The following EDDM13 variants were observed in gnomAD, a reference collection of about 807,000 sequenced individuals.
EDDM13 encodes the protein epididymal protein 13.
Under a neutral mutation model 17.8 loss-of-function variants are expected in EDDM13, and 24 were observed. The observed-to-expected ratio is 1.35, with a 90% CI of 0.98 to 1.90. The LOEUF (loss-of-function observed/expected upper bound fraction) is 1.90. EDDM13 is among the 40% of genes most tolerant of loss of function. EDDM13 has a pLI of 0.00. For synonymous variants in EDDM13, 31 were observed against 37.5 expected, an observed-to-expected ratio of 0.83 and a Z score of 0.63; for missense variants, 97 against 100.8, an observed-to-expected ratio of 0.96 and a Z score of 0.16.
At chr19:56,300,927 G>C (rs963519432) in intron 12 of EDDM13, among the ~76,000 whole-genome samples, 1 of 152,144 alleles carries the variant, frequency 6.6e-6, no homozygotes, top group South Asian at 2.1e-4. Flanking sequence ...CGACACGGTC[G>C]GATCTGGTGC....
At chr19:56,285,273 G>C (rs903577496) in intron 6 of EDDM13, among the ~76,000 whole-genome samples, 1 of 152,154 alleles carries the variant, frequency 6.6e-6, no homozygotes, top group Non-Finnish European at 1.5e-5. Flanking sequence ...TATGCACATG[G>C]GAAAATATCG....
At chr19:56,299,558 C>T (rs558307465) in intron 12 of EDDM13, among the ~76,000 whole-genome samples, 1 of 152,182 alleles carries the variant, frequency 6.6e-6, no homozygotes, top group East Asian at 1.9e-4. Context: ...CACAGTTGTC[C>T]CTCAGTATCC....
At chr19:56,289,399 G>T (rs554582384) in intron 8 of EDDM13, among the ~76,000 whole-genome samples, 1 of 152,248 alleles carries the variant, frequency 6.6e-6, no homozygotes, top group Admixed American at 6.5e-5. Flanking sequence ...AGAGGGGAGG[G>T]GAAATTTCAA....
chr19:56,300,530 G>C (rs1371411953), intron 12 of EDDM13, among the ~76,000 whole-genome samples: 1 of 152,206 alleles, frequency 6.6e-6, no homozygotes, highest in Non-Finnish European at 1.5e-5. Flanking sequence ...AAGATGTTTC[G>C]AGGTCCTTGA....
intron 14 of EDDM13, among the ~76,000 whole-genome samples, chr19:56,308,066 G>A (rs986878567): frequency 2.0e-5 from 3 of 152,116 alleles, no homozygotes; most frequent in African/African-American, 7.2e-5. Context: ...ACAGGGTCTC[G>A]CTCTGTCGCC....
chr19:56,307,725 T>C (rs1160902827), intron 14 of EDDM13, among the ~76,000 whole-genome samples: 1 of 152,238 alleles, frequency 6.6e-6, no homozygotes, highest in Non-Finnish European at 1.5e-5. Context: ...CCAAGGTCTG[T>C]ATGTAAAACA....
At chr19:56,303,281 C>G (rs1262733114) in intron 13 of EDDM13, among the ~76,000 whole-genome samples, 1 of 151,968 alleles carries the variant, frequency 6.6e-6, no homozygotes, top group African/African-American at 2.4e-5. Flanking sequence ...AGTTCAAGAC[C>G]AGCCTGGTCA....
At chr19:56,302,461 C>T (rs1204714450) in intron 13 of EDDM13, among the ~76,000 whole-genome samples, 1 of 144,636 alleles carries the variant, frequency 6.9e-6, no homozygotes, top group Admixed American at 6.9e-5. Flanking sequence ...TCTCCGTCTG[C>T]TTCCTCCCTC....
chr19:56,286,455 A>G (rs1172491052), intron 6 of EDDM13: 1 of 150,308 alleles, frequency 6.7e-6, no homozygotes, highest in Non-Finnish European at 1.5e-5. Flanking sequence ...CATTCTTCAA[A>G]TGGACGTACA....
chr19:56,273,807 C>A (rs942722628), intron 1 of EDDM13, among the ~76,000 whole-genome samples: 1 of 152,046 alleles, frequency 6.6e-6, no homozygotes, highest in Non-Finnish European at 1.5e-5. Context: ...ATGTTATCCT[C>A]AGGGAAAAGG....
rs1238972633 is a variant in EDDM13, at chr19:56,277,648, C to A, written c.103+1539C>A. On this transcript the variant is annotated intron_variant, in intron 2 of 14. Transcript: ENST00000649256. ...GTACAAGTCTGAGTATCCTACAAAC[C>A]ACTGAAATGGGTGAATTGCATGGTA... 3.9e-5 allele frequency among the ~76,000 whole-genome samples: 6 copies of A among 152,018 alleles called. No individual in the cohort carries two copies. The East Asian group carries it at 1.2e-3, about 29-fold the overall frequency.
At chr19:56,309,036 G>A (rs2040872040) in intron 14 of EDDM13, among the ~76,000 whole-genome samples, 1 of 152,216 alleles carries the variant, frequency 6.6e-6, no homozygotes, top group African/African-American at 2.4e-5. Context: ...AGAATACACT[G>A]ATGGCTGTGA....
chr19:56,292,080 T>G (rs748090844), intron 9 of EDDM13, among the ~76,000 whole-genome samples: 2 of 152,168 alleles, frequency 1.3e-5, no homozygotes, highest in African/African-American at 2.4e-5. Context: ...GATCCTGGGC[T>G]GCGTGACTCA....
chr19:56,296,803 G>A (rs1371875161), intron 11 of EDDM13, among the ~76,000 whole-genome samples: 2 of 152,194 alleles, frequency 1.3e-5, no homozygotes, highest in African/African-American at 4.8e-5. Context: ...GGAGGCCGAC[G>A]TGGGTGGATC....
At chr19:56,289,994 C>A (rs1343681676) in intron 8 of EDDM13, among the ~76,000 whole-genome samples, 1 of 152,170 alleles carries the variant, frequency 6.6e-6, no homozygotes, top group Non-Finnish European at 1.5e-5. Flanking sequence ...ACTGGAGAAC[C>A]TGCCTCTATT....
intron 13 of EDDM13, among the ~76,000 whole-genome samples, chr19:56,304,204 G>T (rs1028180890): frequency 6.6e-6 from 1 of 152,238 alleles, no homozygotes; most frequent in Non-Finnish European, 1.5e-5. Context: ...GGACCTGGCG[G>T]TGCTCATGGA....
chr19:56,302,882 A>T (rs988898472), intron 13 of EDDM13: 9 of 398,288 alleles, frequency 2.3e-5, no homozygotes, highest in Admixed American at 4.4e-5. Context: ...GTTGCTGGGG[A>T]CTCTGATGGT....
intron 9 of EDDM13, among the ~76,000 whole-genome samples, chr19:56,291,412 C>T (rs776607418): frequency 3.3e-5 from 5 of 152,218 alleles, no homozygotes; most frequent in Admixed American, 6.5e-5. Context: ...CATCTCGAGT[C>T]ACCCACCCTG....
chr19:56,280,488 T>G (rs1462185472), intron 2 of EDDM13: 1 of 152,192 alleles, frequency 6.6e-6, no homozygotes, highest in Non-Finnish European at 1.5e-5. Context: ...GGATTATACA[T>G]GGAAATATGT....
Sources: allele counts gnomAD v4.1 joint callset (sites outside exome capture counted in the v4.1 genomes callset), GRCh38; gene constraint gnomAD v4.1.1; transcripts MANE v1.5; gene names NCBI Gene and HGNC (gene_info 2026-07-23, HGNC 2026-07-21).